Variants in L3MBTL2 observed in about 807,000 individuals in gnomAD.
The protein encoded by L3MBTL2 is L3MBTL histone methyl-lysine binding protein 2.
Under a neutral mutation model 86.4 loss-of-function variants are expected in L3MBTL2, and 49 were observed. The observed-to-expected ratio is 0.57, with a 90% CI of 0.45 to 0.72. The LOEUF (loss-of-function observed/expected upper bound fraction) is 0.72. L3MBTL2 is among the 30% of genes least tolerant of loss of function. The pLI is 0.00. For missense variants in L3MBTL2, 755 were observed against 923.7 expected, an observed-to-expected ratio of 0.82 and a Z score of 2.37; for synonymous variants, 336 against 350.6, an observed-to-expected ratio of 0.96 and a Z score of 0.47.
chr22:41,227,210 T>A lies in L3MBTL2; in HGVS notation c.1709T>A (p.Phe570Tyr). 1.9e-6 allele frequency: 3 copies of A among 1,613,656 alleles called. No homozygotes were observed. Among genetic ancestry groups the A allele is most frequent in the Non-Finnish European group, 2.5e-6 (3 of 1,179,990 alleles). The change falls in exon 14 of 17, where the codon TTT becomes TAT. Residue 570 changes from phenylalanine to tyrosine, a missense_variant. Phe to Tyr is a conservative substitution (Grantham distance 22). Coordinates refer to ENST00000216237, the MANE Select transcript of L3MBTL2 (RefSeq NM_031488.5). This position sits in a 1 kb window ranked among gnomAD's most constrained non-coding sequence, Gnocchi z 6.0. ...RVVHRLLSIHFDGWDSEYDQW... is the reference protein window; with the variant it reads ...RVVHRLLSIHYDGWDSEYDQW... Reference sequence around the variant, plus strand: ...GTGCATCGGCTCCTCAGCATCCACTTTGACGGCTGGGACAGCGAGTACGAC... The same window carrying A: ...GTGCATCGGCTCCTCAGCATCCACTATGACGGCTGGGACAGCGAGTACGAC...
intron 2 of L3MBTL2, among the ~76,000 whole-genome samples, chr22:41,210,813 G>A (rs1054904875): frequency 2.0e-5 from 3 of 152,176 alleles, no homozygotes; most frequent in African/African-American, 7.2e-5. Context: ...TATAACTAAT[G>A]TGTATTCAGC....
At chr22:41,214,064 G>A (rs777102348) in intron 3 of L3MBTL2, 38 bp downstream of exon 3, 6 of 1,610,440 alleles carry the variant, frequency 3.7e-6, no homozygotes, top group Non-Finnish European at 4.2e-6. Flanking sequence ...CGGTGCCTTT[G>A]GTGCTGAGAC....
chr22:41,229,716 C>A, intron 16 of L3MBTL2, 60 bp downstream of exon 16: 1 of 1,612,252 alleles, frequency 6.2e-7, no homozygotes, highest in Middle Eastern at 2.1e-4. Flanking sequence ...AGAGACGACC[C>A]TTCTCCTTCC....
Position 41,225,166 on chromosome 22 carries a change from C to A in L3MBTL2, c.1356+95C>A. The A allele has an allele frequency of 1.0e-6, 1 of 955,862 alleles. No homozygotes were observed. Among genetic ancestry groups the A allele is most frequent in the Non-Finnish European group, 1.6e-6 (1 of 634,088 alleles). 59.2% of individuals were successfully genotyped at this position (955,862 alleles called of 1,614,324 possible). A position where few individuals can be genotyped will look rare whatever the true frequency, so the allele number is the denominator to read the frequency against. ...ACCCCACTCGCCACCGTCAGGGGGTCTGTGTCCCAGCCTCTCATCACTGGC... is the reference window on the plus strand; with the variant it reads ...ACCCCACTCGCCACCGTCAGGGGGTATGTGTCCCAGCCTCTCATCACTGGC... On this transcript the variant is annotated intron_variant, in intron 11 of 16. Transcript: ENST00000216237. The surrounding 1 kb of genome is among the most constrained non-coding windows in gnomAD (Gnocchi z 4.1).
In L3MBTL2 at chr22:41,220,885, A is replaced by G. The variant is rs1465664547; in HGVS notation, c.853+17A>G. ...CCCCACGGAGTGAGTTGATGAGAAC[A>G]TTTCCTCTCTTGTTCCCGTAGGGCC... On this transcript the variant is annotated intron_variant, in intron 7 of 16. Transcript: ENST00000216237. The G allele has an allele frequency of 5.6e-6, 9 of 1,607,130 alleles. No homozygotes were observed. The highest frequency in any genetic ancestry group is 1.7e-5 in the Admixed American group (1 of 59,810).
rs2031125838 is a variant in L3MBTL2 at position 41,213,880 on chromosome 22, G to A, written c.263-13G>A. ...TCATATCGGGTGAGTCATGTGCTAA[G>A]TTCTCTTCCCAGCTGTCTGTGAGAT... is the stretch of plus-strand genomic sequence containing the variant. On this transcript the variant is annotated splice_polypyrimidine_tract_variant and intron_variant, in intron 2 of 16. Transcript: ENST00000216237. 1.9e-6 allele frequency: 3 copies of A among 1,613,946 alleles called. No individual in the cohort carries two copies. Among genetic ancestry groups the A allele is most frequent in the African/African-American group, 1.3e-5 (1 of 74,920 alleles).
rs893348529 is a variant in L3MBTL2, at chr22:41,227,830, G to C, written c.1849G>C (p.Glu617Gln). The C allele has an allele frequency of 1.2e-6, 2 of 1,613,936 alleles. No homozygotes were observed. The highest frequency in any genetic ancestry group is 1.3e-5 in the African/African-American group (1 of 75,036). Residue 617 changes from glutamate to glutamine, a missense_variant, in exon 15 of 17, where the codon GAG becomes CAG. Glu to Gln is a conservative substitution (Grantham distance 29). Coordinates refer to ENST00000216237, the MANE Select transcript of L3MBTL2 (RefSeq NM_031488.5). This position sits in a 1 kb window ranked among gnomAD's most constrained non-coding sequence, Gnocchi z 6.0. ...AEPATPLKAK[E>Q]ATKKKKKQFG... is the part of the protein sequence containing the mutation. Reference sequence around the variant, plus strand: ...ACCGGCCACACCGCTGAAGGCCAAAGAGGCCACAAAGAAGAAAAAGAAACA... The same window carrying C: ...ACCGGCCACACCGCTGAAGGCCAAACAGGCCACAAAGAAGAAAAAGAAACA...
intron 1 of L3MBTL2, among the ~76,000 whole-genome samples, chr22:41,208,057 C>G (rs1016014464): frequency 3.9e-4 from 59 of 152,186 alleles, no homozygotes; most frequent in African/African-American, 1.4e-3. Flanking sequence ...GTCTTGAACT[C>G]CTGGTCTTAA....
rs942865167 is a variant in L3MBTL2 at position 41,230,441 on chromosome 22, C to T, written c.*190C>T. 3.0e-4 allele frequency: 179 copies of T among 590,502 alleles called. No individual in the cohort carries two copies. Among genetic ancestry groups the T allele is most frequent in the African/African-American group, 2.8e-3 (149 of 53,270 alleles). 36.6% of individuals were successfully genotyped at this position (590,502 alleles called of 1,614,324 possible). A position where few individuals can be genotyped will look rare whatever the true frequency, so the allele number is the denominator to read the frequency against. On this transcript the variant is annotated 3_prime_UTR_variant, in exon 17 of 17. Coordinates refer to ENST00000216237, the MANE Select transcript of L3MBTL2 (RefSeq NM_031488.5). ...GGGACCCGCCTGTTGCTTCTGCCCT[C>T]CCCTGTGGAAAGGTCTATATGACGG...
chr22:41,213,780 G>T (rs972140578), intron 2 of L3MBTL2, 113 bp from the exon 3 acceptor site: 4 of 1,147,454 alleles, frequency 3.5e-6, no homozygotes, highest in South Asian at 1.4e-5. Context: ...TAGCCTTTGT[G>T]GGGGCAGGGG....
chr22:41,229,719 C>T (rs1052780964), intron 16 of L3MBTL2, 63 bp downstream of exon 16: 13 of 1,611,948 alleles, frequency 8.1e-6, no homozygotes, highest in African/African-American at 2.7e-5. Context: ...GACGACCCTT[C>T]TCCTTCCCCA....
Position 41,221,266 on chromosome 22 carries a change from T to G in L3MBTL2, c.921T>G (p.Leu307=), listed in dbSNP as rs1162093060. 11 of 1,551,686 alleles carry G rather than the reference T, an allele frequency of 7.1e-6. No homozygotes were observed. Among genetic ancestry groups the G allele is most frequent in the Non-Finnish European group, 9.6e-6 (11 of 1,146,928 alleles). The change falls in exon 8 of 17, where the codon CTT becomes CTG. Residue 307 remains leucine (L), a synonymous_variant. Transcript: ENST00000216237. ...LMKRLVGSRT[L]PVDFHIKMVE... Reference sequence around the variant, plus strand: ...AACGGCTGGTGGGCTCCAGGACGCTTCCCGTGGATTTCCACATCAAGGTCG... The same window carrying G: ...AACGGCTGGTGGGCTCCAGGACGCTGCCCGTGGATTTCCACATCAAGGTCG...
Position 41,219,458 on chromosome 22 carries a change from A to T in L3MBTL2, c.640A>T (p.Met214Leu), listed in dbSNP as rs775106353. ...CCAGTGGGAGGATGTGATGAAAGGGATGAAGGTGGAGGTGCTCAACAGTGA... is the reference window on the plus strand; with the variant it reads ...CCAGTGGGAGGATGTGATGAAAGGGTTGAAGGTGGAGGTGCTCAACAGTGA... ...YDQWEDVMKG[M>L]KVEVLNSDAV... The change falls in exon 6 of 17, where the codon ATG becomes TTG. Residue 214 changes from methionine to leucine, a missense_variant. Met to Leu is a conservative substitution (Grantham distance 15). This residue lies in a region of L3MBTL2 where 634 missense variants were observed against 748.9 expected (regional missense o/e 0.85). Transcript: ENST00000216237. 1 of 1,613,932 alleles carries T rather than the reference A, an allele frequency of 6.2e-7. No individual in the cohort carries two copies. Among genetic ancestry groups the T allele is most frequent in the Non-Finnish European group, 8.5e-7 (1 of 1,179,850 alleles).
chr22:41,227,479 G>A lies in L3MBTL2; in HGVS notation c.1822+156G>A. 8.1e-7 allele frequency: 1 copy of A among 1,229,926 alleles called. No individual in the cohort carries two copies. The highest frequency in any genetic ancestry group is 2.5e-5 in the East Asian group (1 of 39,348). 76.2% of individuals were successfully genotyped at this position (1,229,926 alleles called of 1,614,324 possible). ...GAGTGAGCCCCGTCACCCAGCCCCT[G>A]CTCCTGACTTCTCTGTCTCCCTTTC... On this transcript the variant is annotated intron_variant, in intron 14 of 16. Coordinates refer to ENST00000216237, the MANE Select transcript of L3MBTL2 (RefSeq NM_031488.5). This position sits in a 1 kb window ranked among gnomAD's most constrained non-coding sequence, Gnocchi z 6.0.
chr22:41,214,879 T>C (rs1405735096), intron 3 of L3MBTL2, among the ~76,000 whole-genome samples: 1 of 152,144 alleles, frequency 6.6e-6, no homozygotes, highest in East Asian at 1.9e-4. Context: ...GGCGTGGTGT[T>C]GTACGCCTGT....
intron 2 of L3MBTL2, among the ~76,000 whole-genome samples, chr22:41,211,573 T>TTTTTTTTTTTTTTTTTTTTC (rs758875511): frequency 7.2e-6 from 1 of 139,498 alleles, no homozygotes; most frequent in Non-Finnish European, 1.5e-5. Context: ...TTTTTTTTTT[T>TTTTTTTTTTTTTTTTTTTTC]TGAGACGGAG....
chr22:41,226,861 C>A, intron 13 of L3MBTL2, 117 bp downstream of exon 13: 2 of 832,622 alleles, frequency 2.4e-6, no homozygotes, highest in Admixed American at 2.6e-5. Flanking sequence ...CTGACATCAG[C>A]CACTTTCAGG....
At position 41,213,853 on chromosome 22, in the gene L3MBTL2, G is replaced by A. The variant is rs760920466; in HGVS notation, c.263-40G>A. 5 of 1,610,582 alleles carry A rather than the reference G, an allele frequency of 3.1e-6. No homozygotes were observed. In the South Asian group the frequency reaches 5.5e-5, roughly 18 times the overall value. ...CCCATCACTTTGTTTGCTTTGAGGT[G>A]GTCATATCGGGTGAGTCATGTGCTA... On this transcript the variant is annotated intron_variant, in intron 2 of 16. Transcript: ENST00000216237.
Position 41,219,434 on chromosome 22 carries a change from C to G in L3MBTL2, c.616C>G (p.Gln206Glu), listed in dbSNP as rs1326750838. 1 of 1,610,566 alleles carries G rather than the reference C, an allele frequency of 6.2e-7. No individual in the cohort carries two copies. The highest frequency in any genetic ancestry group is 1.1e-5 in the South Asian group (1 of 90,988). The change falls in exon 6 of 17, where the codon CAG (glutamine) becomes GAG (glutamate). Residue 206 changes from glutamine to glutamate, a missense_variant. By Grantham distance (29) the Gln-to-Glu change is conservative. This residue lies in a region of L3MBTL2 where 634 missense variants were observed against 748.9 expected (regional missense o/e 0.85). Transcript: ENST00000216237. Reference protein sequence around the residue: ...SCFKHVPLYDQWEDVMKGMKV... With the variant: ...SCFKHVPLYDEWEDVMKGMKV... ...CGCCACACAGGTCCCACTCTATGAC[C>G]AGTGGGAGGATGTGATGAAAGGGAT... is the stretch of plus-strand genomic sequence containing the variant.
Sources: gnomAD v4.1 joint callset for allele counts (sites outside exome capture counted in the v4.1 genomes callset) on GRCh38, gnomAD v4.1.1 for gene constraint, gnomAD v4.1.1 regional missense constraint, Gnocchi (gnomAD v3.1) non-coding constraint, MANE v1.5 for transcripts, NCBI Gene and HGNC (gene_info 2026-07-23, HGNC 2026-07-21) for gene names.